ATRX: variants seen among roughly 807,000 people sequenced by gnomAD.
ATRX encodes ATRX chromatin remodeler.
ATRX carries 12 observed loss-of-function variants against 172.6 expected under a neutral mutation model. The ratio of observed to expected loss-of-function variants is 0.07; its 90% CI spans 0.04 to 0.11. The LOEUF is 0.11. ATRX is among the 10% of genes least tolerant of loss of function. ATRX has a pLI of 1.00. For synonymous variants in ATRX, 674 were observed against 594.7 expected (o/e 1.13, Z -1.94); for missense variants, 1,368 against 1,767.4 (o/e 0.77, Z 4.05).
chrX:77,576,520 T>C (rs907560868), intron 27 of ATRX, among the ~76,000 whole-genome samples: 1 of 111,178 alleles, frequency 9.0e-6, no homozygotes, highest in African/African-American at 3.3e-5. Context: ...AATGCCTAAC[T>C]AGAGCATCAT....
At chrX:77,718,710 C>T (rs1557167012) in intron 1 of ATRX, among the ~76,000 whole-genome samples, 1 of 110,963 alleles carries the variant, frequency 9.0e-6, no homozygotes, top group Admixed American at 9.7e-5. Context: ...ATAGATGTAT[C>T]TGTAATTCAA....
At chrX:77,550,387 G>C (rs1217074874) in intron 30 of ATRX, among the ~76,000 whole-genome samples, 1 of 111,885 alleles carries the variant, frequency 8.9e-6, no homozygotes, top group African/African-American at 3.2e-5. Context: ...CTCAATAGAT[G>C]CAGAAAAGGC....
intron 5 of ATRX, among the ~76,000 whole-genome samples, chrX:77,695,447 T>A (rs1557149352): frequency 9.0e-6 from 1 of 111,361 alleles, no homozygotes; most frequent in African/African-American, 3.3e-5. Context: ...CTGACTTTCT[T>A]CCACAGTACA....
At chrX:77,627,272 C>T (rs1355601917) in intron 19 of ATRX, among the ~76,000 whole-genome samples, 2 of 111,332 alleles carry the variant, frequency 1.8e-5, no homozygotes, top group African/African-American at 6.5e-5. Context: ...AAAGTAAATG[C>T]ACTCATTAAT....
intron 10 of ATRX, among the ~76,000 whole-genome samples, chrX:77,667,293 A>ATGTGTGTG (rs1160312482): frequency 5.0e-5 from 3 of 60,563 alleles, no homozygotes; most frequent in African/African-American, 1.7e-4. Context: ...GGACGAATAA[A>ATGTGTGTG]TATGTGTGTG....
chrX:77,609,353 GAATA>G (rs1216338733), intron 22 of ATRX, among the ~76,000 whole-genome samples: 2 of 112,127 alleles, frequency 1.8e-5, no homozygotes, highest in Admixed American at 9.5e-5. Context: ...ACAGATGAAT[GAATA>G]AAGAAAATAT....
chrX:77,692,400 T>A (rs1303453315), intron 6 of ATRX, among the ~76,000 whole-genome samples: 1 of 111,998 alleles, frequency 8.9e-6, no homozygotes, highest in Admixed American at 9.5e-5. Context: ...TGACTACCCC[T>A]TTGTGGACAA....
intron 6 of ATRX, chrX:77,691,171 A>T (rs2071864612): frequency 8.9e-6 from 1 of 112,326 alleles, no homozygotes; most frequent in African/African-American, 3.2e-5. Flanking sequence ...TATAAAAAAC[A>T]TAGAAAAACA....
intron 22 of ATRX, among the ~76,000 whole-genome samples, chrX:77,603,792 C>T (rs782708258): frequency 1.7e-4 from 19 of 111,515 alleles, no homozygotes; most frequent in African/African-American, 5.9e-4. Flanking sequence ...ACACAAAGAT[C>T]AATGGAACAG....
rs1602736433 is a variant in ATRX, at chrX:77,599,888, T to C, written c.5698-68A>G. On this transcript the variant is annotated intron_variant, in intron 23 of 34. Coordinates refer to ENST00000373344, the MANE Select transcript of ATRX (RefSeq NM_000489.6). ...ACTTACACTGGAAATTATATTGATG[T>C]TCATTTAAGAATAAGTTAATTGGCA... 5.6e-6 allele frequency: 5 copies of C among 894,211 alleles called. No homozygotes were observed. In the East Asian group the frequency reaches 1.6e-4, roughly 28 times the overall value. 73.7% of individuals were successfully genotyped at this position (894,211 alleles called of 1,213,427 possible).
chrX:77,634,439 C>A (rs1007792694), intron 17 of ATRX, 155 bp downstream of exon 17: 6 of 457,005 alleles, frequency 1.3e-5, no homozygotes, highest in African/African-American at 1.2e-4. Context: ...CAGCTCTCTC[C>A]TCCACTAGAA....
At chrX:77,774,452 C>A (rs1362355506) in intron 1 of ATRX, among the ~76,000 whole-genome samples, 3 of 111,001 alleles carry the variant, frequency 2.7e-5, no homozygotes, top group Admixed American at 9.6e-5. Context: ...CCGAGGCAGG[C>A]GGATCATGAG....
intron 5 of ATRX, among the ~76,000 whole-genome samples, chrX:77,695,145 T>G (rs2072123654): frequency 9.2e-6 from 1 of 109,123 alleles, no homozygotes; most frequent in Non-Finnish European, 1.9e-5. Flanking sequence ...GAGCACTCAC[T>G]AGGCTTTGGA....
intron 22 of ATRX, among the ~76,000 whole-genome samples, chrX:77,604,985 A>G (rs1330562271): frequency 8.9e-6 from 1 of 112,190 alleles, no homozygotes; most frequent in African/African-American, 3.2e-5. Flanking sequence ...ATGACAGACA[A>G]TGGAGACTTG....
At chrX:77,729,950 T>C (rs186316472) in intron 1 of ATRX, among the ~76,000 whole-genome samples, 31 of 111,602 alleles carry the variant, frequency 2.8e-4, no homozygotes, top group Admixed American at 4.8e-4. Context: ...AATAAATAAA[T>C]AAAGTACAGT....
intron 1 of ATRX, among the ~76,000 whole-genome samples, chrX:77,750,507 G>A (rs1267273950): frequency 4.5e-5 from 5 of 110,950 alleles, no homozygotes; most frequent in Admixed American, 9.6e-5. Flanking sequence ...AACGCGCATA[G>A]TAACTTCCAT....
chrX:77,648,469 T>C (rs1603061744), intron 15 of ATRX, among the ~76,000 whole-genome samples: 1 of 111,239 alleles, frequency 9.0e-6, no homozygotes, highest in Non-Finnish European at 1.9e-5. Context: ...TAAAAATGCA[T>C]ACGTTAAAGA....
rs1557060254 is a variant in ATRX at position 77,558,656 on chromosome X, A to G, written c.6504+13T>C. 1 of 1,170,368 alleles carries G rather than the reference A, an allele frequency of 8.5e-7. No individual in the cohort carries two copies. Among genetic ancestry groups the G allele is most frequent in the Admixed American group, 2.2e-5 (1 of 45,189 alleles). ...ATAAACTTTCAATATGAAAAAGAGA[A>G]TTATAAACCTACCTGAGCTAAGAAC... On this transcript the variant is annotated intron_variant, in intron 29 of 34. Coordinates refer to ENST00000373344, the MANE Select transcript of ATRX (RefSeq NM_000489.6).
At chrX:77,624,354 G>A (rs913754709) in intron 19 of ATRX, among the ~76,000 whole-genome samples, 2 of 110,601 alleles carry the variant, frequency 1.8e-5, no homozygotes, top group East Asian at 2.8e-4. Context: ...GCGACAGAGC[G>A]AGACTCCATC....
Sources: allele counts gnomAD v4.1 joint callset (sites outside exome capture counted in the v4.1 genomes callset), GRCh38; gene constraint gnomAD v4.1.1; transcripts MANE v1.5; gene names NCBI Gene and HGNC (gene_info 2026-07-23, HGNC 2026-07-21).